Variants in DOK6 observed in about 807,000 individuals in gnomAD.
DOK6 encodes docking protein 6.
DOK6 carries 22 observed loss-of-function variants against 44.0 expected under a neutral mutation model. The observed-to-expected ratio is 0.50, with a 90% CI of 0.36 to 0.71. DOK6 has a LOEUF of 0.71. DOK6 is among the 30% of genes least tolerant of loss of function. DOK6 has a pLI of 0.00. For synonymous variants in DOK6, 166 were observed against 145.5 expected, an observed-to-expected ratio of 1.14 and a Z score of -1.01; for missense variants, 340 against 416.4, an observed-to-expected ratio of 0.82 and a Z score of 1.60.
At chr18:69,542,667 A>G (rs1982300135) in intron 1 of DOK6, among the ~76,000 whole-genome samples, 1 of 151,518 alleles carries the variant, frequency 6.6e-6, no homozygotes, top group Admixed American at 6.6e-5. Flanking sequence ...GCAGTTTCAG[A>G]GATTGATTTT....
At chr18:69,602,905 A>G (rs1307802458) in intron 3 of DOK6, among the ~76,000 whole-genome samples, 1 of 152,262 alleles carries the variant, frequency 6.6e-6, no homozygotes, top group Non-Finnish European at 1.5e-5. Flanking sequence ...ATCCTATTAT[A>G]GAATGCTTTC....
At chr18:69,407,443 T>C (rs1916226658) in intron 1 of DOK6, among the ~76,000 whole-genome samples, 1 of 152,244 alleles carries the variant, frequency 6.6e-6, no homozygotes, top group Non-Finnish European at 1.5e-5. Context: ...TCGGTTTTAT[T>C]ACTTGTGCCT....
intron 5 of DOK6, among the ~76,000 whole-genome samples, chr18:69,708,663 T>C (rs1986689776): frequency 6.6e-6 from 1 of 151,642 alleles, no homozygotes; most frequent in South Asian, 2.1e-4. Flanking sequence ...CGGACGCCAG[T>C]GTCCCACCTA....
chr18:69,594,589 C>CA (rs10629064), intron 2 of DOK6, among the ~76,000 whole-genome samples: 25,247 of 128,964 alleles, frequency 0.2, 2,507 homozygotes, highest in East Asian at 0.41. Flanking sequence ...AGCAAACAGG[C>CA]AAAAAAAAAA....
At chr18:69,560,807 A>G (rs1459865811) in intron 1 of DOK6, among the ~76,000 whole-genome samples, 1 of 152,140 alleles carries the variant, frequency 6.6e-6, no homozygotes, top group Non-Finnish European at 1.5e-5. Flanking sequence ...TTAAGGACAC[A>G]AGCTCAGAGA....
chr18:69,448,691 G>C (rs1979366885), intron 1 of DOK6, among the ~76,000 whole-genome samples: 1 of 152,108 alleles, frequency 6.6e-6, no homozygotes, highest in South Asian at 2.1e-4. Flanking sequence ...ATTCTTAATA[G>C]TTGATTATAC....
intron 3 of DOK6, among the ~76,000 whole-genome samples, chr18:69,677,183 A>C (rs367998679): frequency 2.3e-4 from 35 of 152,220 alleles, no homozygotes; most frequent in African/African-American, 8.4e-4. Flanking sequence ...ATACAAATCT[A>C]AGTCACTTTC....
At chr18:69,419,542 C>T (rs978273221) in intron 1 of DOK6, among the ~76,000 whole-genome samples, 9 of 152,010 alleles carry the variant, frequency 5.9e-5, no homozygotes, top group Non-Finnish European at 8.8e-5. Context: ...ACCCAGGATT[C>T]GGAATTAAAG....
chr18:69,603,865 G>T (rs537051552), intron 3 of DOK6, among the ~76,000 whole-genome samples: 16 of 149,996 alleles, frequency 1.1e-4, no homozygotes, highest in African/African-American at 3.2e-4. Context: ...GCATGTATTT[G>T]TGAAGCATAA....
chr18:69,405,919 A>G (rs1415265071), intron 1 of DOK6, among the ~76,000 whole-genome samples: 1 of 152,206 alleles, frequency 6.6e-6, no homozygotes, highest in Non-Finnish European at 1.5e-5. Flanking sequence ...AGTGTGTTTC[A>G]GTCTTTACTT....
intron 6 of DOK6, 113 bp from the exon 7 acceptor site, chr18:69,757,643 G>T: frequency 1.3e-6 from 1 of 792,880 alleles, no homozygotes; most frequent in Non-Finnish European, 2.1e-6. Flanking sequence ...GATCATGCAG[G>T]TATCTATAGC....
chr18:69,413,068 G>C (rs1224755953), intron 1 of DOK6, among the ~76,000 whole-genome samples: 1 of 152,056 alleles, frequency 6.6e-6, no homozygotes, highest in Non-Finnish European at 1.5e-5. Context: ...GAATATTTAT[G>C]GTTGCTTAGT....
chr18:69,755,294 C>T (rs1979318399), intron 6 of DOK6, among the ~76,000 whole-genome samples: 1 of 152,072 alleles, frequency 6.6e-6, no homozygotes, highest in South Asian at 2.1e-4. Flanking sequence ...AAACTGACCA[C>T]ATTTGGGAAG....
At chr18:69,833,747 C>A (rs1981966700) in intron 7 of DOK6, among the ~76,000 whole-genome samples, 1 of 152,014 alleles carries the variant, frequency 6.6e-6, no homozygotes, top group Non-Finnish European at 1.5e-5. Context: ...TAAGCAAACT[C>A]CTGAATAGAC....
At chr18:69,617,745 GGAAGGAAGGAAA>G (rs1568312840) in intron 3 of DOK6, among the ~76,000 whole-genome samples, 1 of 60,614 alleles carries the variant, frequency 1.6e-5, no homozygotes, top group Admixed American at 1.9e-4. Context: ...AAGGAGGGAA[GGAAGGAAGGAAA>G]GAAGGAAGGA....
intron 1 of DOK6, among the ~76,000 whole-genome samples, chr18:69,478,442 A>G (rs998102708): frequency 3.4e-4 from 52 of 152,082 alleles, no homozygotes; most frequent in East Asian, 3.9e-4. Context: ...TATTTAAATC[A>G]TTATTAGAAA....
chr18:69,530,899 A>G (rs1349580566), intron 1 of DOK6, among the ~76,000 whole-genome samples: 1 of 152,094 alleles, frequency 6.6e-6, no homozygotes, highest in Non-Finnish European at 1.5e-5. Context: ...GTGGGAGTCT[A>G]AGTCTCTTTG....
intron 1 of DOK6, among the ~76,000 whole-genome samples, chr18:69,436,630 G>A (rs574846606): frequency 6.6e-6 from 1 of 152,252 alleles, no homozygotes; most frequent in East Asian, 1.9e-4. Context: ...ATGTATGCAT[G>A]TGTCTTTATA....
At chr18:69,795,818 A>C (rs914993443) in intron 7 of DOK6, among the ~76,000 whole-genome samples, 1 of 152,084 alleles carries the variant, frequency 6.6e-6, no homozygotes, top group African/African-American at 2.4e-5. Context: ...GCTTTTAACC[A>C]CCTCCTAACA....
Sources: gnomAD v4.1 joint callset for allele counts (sites outside exome capture counted in the v4.1 genomes callset) on GRCh38, gnomAD v4.1.1 for gene constraint, MANE v1.5 for transcripts, NCBI Gene and HGNC (gene_info 2026-07-23, HGNC 2026-07-21) for gene names.